The following SPECC1L variants were observed in gnomAD, a reference collection of about 807,000 sequenced individuals.
The protein encoded by SPECC1L is sperm antigen with calponin homology and coiled-coil domains 1 like, also known as cytospin-A.
A neutral mutation model predicts 116.8 loss-of-function variants in SPECC1L; 40 were observed. The ratio of observed to expected loss-of-function variants is 0.34; its 90% confidence interval spans 0.27 to 0.45. SPECC1L has a LOEUF of 0.45. Ranked by LOEUF, SPECC1L falls within the 20% of genes least tolerant of loss-of-function variation. The pLI is 1.00. For synonymous variants in SPECC1L, 504 were observed against 500.6 expected, an observed-to-expected ratio of 1.01 and a Z score of -0.09; for missense variants, 1,110 against 1,373.6, an observed-to-expected ratio of 0.81 and a Z score of 3.03.
Position 24,347,180 on chromosome 22 carries a change from C to T in SPECC1L, c.2743+4C>T, listed in dbSNP as rs200455754. 8.7e-6 allele frequency: 14 copies of T among 1,605,330 alleles called. No homozygotes were observed. Among genetic ancestry groups the T allele is most frequent in the African/African-American group, 6.7e-5 (5 of 74,840 alleles). On this transcript the variant is annotated splice_donor_region_variant and intron_variant, in intron 11 of 16. Coordinates refer to ENST00000314328, the MANE Select transcript of SPECC1L (RefSeq NM_015330.6). ...TATGGGGAAATCCCTGTTCAAGGTA[C>T]GTGTAATATGCCATAGCATTTCACC... is the stretch of plus-strand genomic sequence containing the variant.
chr22:24,417,203 A>ATG lies in SPECC1L; in HGVS notation c.*2582_*2583dup, dbSNP rs2042816373. On this transcript the variant is annotated 3_prime_UTR_variant, in exon 17 of 17. Coordinates refer to ENST00000314328, the MANE Select transcript of SPECC1L (RefSeq NM_015330.6). ...TTCTGCGGACCGACGATACGTTTAA[A>ATG]TGTTGTTCTAGTAAATATTCTTGAA... 6.6e-6 allele frequency: 1 copy of ATG among 152,586 alleles called. No individual in the cohort carries two copies. The highest frequency in any genetic ancestry group is 1.5e-5 in the Non-Finnish European group (1 of 68,038). The allele number at this position is 152,586 out of a possible 1,614,324, so 9.5% of individuals were successfully genotyped here. A position where few individuals can be genotyped will look rare whatever the true frequency, so the allele number is the denominator to read the frequency against.
intron 2 of SPECC1L, among the ~76,000 whole-genome samples, chr22:24,299,386 G>A (rs1202371234): frequency 6.6e-6 from 1 of 152,060 alleles, no homozygotes; most frequent in Non-Finnish European, 1.5e-5. Flanking sequence ...GCAGTGAGCC[G>A]TGACTGCACC....
chr22:24,364,661 CAAAAAAAAAA>C (rs57580257), intron 12 of SPECC1L, among the ~76,000 whole-genome samples: 5 of 105,446 alleles, frequency 4.7e-5, no homozygotes, highest in African/African-American at 1.9e-4. Flanking sequence ...GACTCCCTCT[CAAAAAAAAAA>C]AAAAAAAAAG....
intron 14 of SPECC1L, among the ~76,000 whole-genome samples, chr22:24,377,420 G>A (rs893906410): frequency 6.6e-5 from 10 of 152,106 alleles, no homozygotes; most frequent in South Asian, 2.1e-4. Flanking sequence ...ATCCCACCAT[G>A]CCTGGTTTGT....
chr22:24,306,884 T>C (rs1055957342), intron 3 of SPECC1L, among the ~76,000 whole-genome samples: 2 of 152,216 alleles, frequency 1.3e-5, no homozygotes, highest in Non-Finnish European at 2.9e-5. Context: ...CTAGCTACCT[T>C]ATATAAGTGG....
chr22:24,379,564 T>C (rs947573362), intron 14 of SPECC1L, among the ~76,000 whole-genome samples: 13 of 152,164 alleles, frequency 8.5e-5, no homozygotes, highest in Admixed American at 5.2e-4. Flanking sequence ...TAATTTGAAG[T>C]TTTTTCCATT....
At chr22:24,301,411 T>C (rs1237259313) in intron 2 of SPECC1L, among the ~76,000 whole-genome samples, 3 of 152,226 alleles carry the variant, frequency 2.0e-5, no homozygotes, top group African/African-American at 7.2e-5. Flanking sequence ...CCCTCGTAAG[T>C]TGACAATGTC....
At chr22:24,306,241 A>AGAAGTG (rs1430717524) in intron 3 of SPECC1L, among the ~76,000 whole-genome samples, 13 of 151,504 alleles carry the variant, frequency 8.6e-5, no homozygotes, top group Non-Finnish European at 1.5e-4. Context: ...GTGGACATTT[A>AGAAGTG]GACCCTCTTC....
chr22:24,327,502 G>A (rs1246167490), intron 6 of SPECC1L, among the ~76,000 whole-genome samples: 1 of 151,948 alleles, frequency 6.6e-6, no homozygotes, highest in African/African-American at 2.4e-5. Flanking sequence ...GATTACATGT[G>A]TCATTGCAAG....
intron 2 of SPECC1L, among the ~76,000 whole-genome samples, chr22:24,300,249 C>G (rs2146398068): frequency 6.6e-6 from 1 of 152,194 alleles, no homozygotes; most frequent in Admixed American, 6.5e-5. Flanking sequence ...TTTTCTGTTC[C>G]TGTGTTTGCT....
chr22:24,352,767 C>T (rs759533845), intron 11 of SPECC1L, among the ~76,000 whole-genome samples: 34 of 152,108 alleles, frequency 2.2e-4, no homozygotes, highest in Non-Finnish European at 3.7e-4. Flanking sequence ...AGTCACTCCC[C>T]CTTCTTCTTC....
chr22:24,317,306 G>T (rs1300020535), intron 4 of SPECC1L, among the ~76,000 whole-genome samples: 2 of 111,184 alleles, frequency 1.8e-5, no homozygotes, highest in Non-Finnish European at 3.9e-5. Context: ...CTGGCCAGGC[G>T]GGGGGCTGAC....
chr22:24,361,607 G>A (rs1412259501), intron 11 of SPECC1L, among the ~76,000 whole-genome samples: 1 of 152,008 alleles, frequency 6.6e-6, no homozygotes, highest in African/African-American at 2.4e-5. Context: ...ACCAGCCTGG[G>A]CAACATGGTG....
chr22:24,286,012 T>G (rs1204800668), intron 2 of SPECC1L, among the ~76,000 whole-genome samples: 3 of 152,246 alleles, frequency 2.0e-5, no homozygotes, highest in Non-Finnish European at 4.4e-5. Context: ...TTATTTAAGC[T>G]AAAATAATCA....
intron 14 of SPECC1L, among the ~76,000 whole-genome samples, chr22:24,409,675 G>T (rs1038744979): frequency 6.6e-6 from 1 of 152,100 alleles, no homozygotes; most frequent in African/African-American, 2.4e-5. Context: ...AATAAAAAAT[G>T]AATTATATAT....
chr22:24,371,777 A>AGTG (rs2041875546), intron 14 of SPECC1L, among the ~76,000 whole-genome samples: 1 of 152,220 alleles, frequency 6.6e-6, no homozygotes, highest in Admixed American at 6.5e-5. Flanking sequence ...GCTGGACTGC[A>AGTG]GTGGTGCGAC....
chr22:24,371,910 G>A (rs1290476649), intron 14 of SPECC1L, among the ~76,000 whole-genome samples: 2 of 152,108 alleles, frequency 1.3e-5, no homozygotes, highest in African/African-American at 4.8e-5. Context: ...TAGTAGAGAC[G>A]AGGTTTCGCC....
chr22:24,303,859 G>A (rs1017656360), intron 3 of SPECC1L, among the ~76,000 whole-genome samples: 10 of 149,066 alleles, frequency 6.7e-5, no homozygotes, highest in Non-Finnish European at 1.2e-4. Flanking sequence ...GTGTGTGTGT[G>A]TGTGTGTGTG....
At chr22:24,350,589 T>A (rs1013927620) in intron 11 of SPECC1L, among the ~76,000 whole-genome samples, 2 of 152,210 alleles carry the variant, frequency 1.3e-5, no homozygotes, top group African/African-American at 2.4e-5. Context: ...ACGCCTGAGT[T>A]GCCTGCAGGA....
Sources: allele counts gnomAD v4.1 joint callset (sites outside exome capture counted in the v4.1 genomes callset), GRCh38; gene constraint gnomAD v4.1.1; transcripts MANE v1.5; gene names NCBI Gene and HGNC (gene_info 2026-07-23, HGNC 2026-07-21).